The following MMP28 variants were observed in gnomAD, a reference collection of about 807,000 sequenced individuals.
The protein encoded by MMP28 is matrix metallopeptidase 28, also known as matrix metalloproteinase-28.
MMP28 carries 55 observed loss-of-function variants against 60.5 expected under a neutral mutation model. The observed-to-expected ratio is 0.91, with a 90% CI of 0.73 to 1.14. The LOEUF (loss-of-function observed/expected upper bound fraction) is 1.14. Among genes scored for constraint, MMP28 ranks in the 50% most tolerant of loss-of-function variants. MMP28 has a pLI of 0.00. For missense variants in MMP28, 686 were observed against 738.3 expected, an observed-to-expected ratio of 0.93 and a Z score of 0.82; for synonymous variants, 318 against 312.5, an observed-to-expected ratio of 1.02 and a Z score of -0.18.
At chr17:35,761,924 T>A (rs1336326711), downstream of MMP28, among the ~76,000 whole-genome samples, 6 of 152,236 alleles carry the variant, frequency 3.9e-5, no homozygotes, top group Non-Finnish European at 5.9e-5. Flanking sequence ...ACACCAATCA[T>A]GAGCAGTACC....
chr17:35,767,662 A>T, intron 7 of MMP28, 90 bp downstream of exon 7: 1 of 1,447,216 alleles, frequency 6.9e-7, no homozygotes, highest in South Asian at 1.3e-5. Flanking sequence ...CTCGTGTGAG[A>T]GTCTTCCCCT....
At chr17:35,764,199 C>T (rs2085885495), downstream of MMP28, 1 of 1,547,682 alleles carries the variant, frequency 6.5e-7, no homozygotes, top group Non-Finnish European at 8.7e-7. Context: ...CGCTCAGTGT[C>T]CTACTGCCCG....
At chr17:35,788,428 G>T (rs527508350) in intron 1 of MMP28, among the ~76,000 whole-genome samples, 140 of 152,214 alleles carry the variant, frequency 9.2e-4, no homozygotes, top group Middle Eastern at 3.4e-3. Flanking sequence ...TGCTATTAGG[G>T]TCATGCTTCC....
chr17:35,770,417 G>A (rs2086096763), intron 4 of MMP28, 105 bp from the exon 5 acceptor site: 1 of 1,364,966 alleles, frequency 7.3e-7, no homozygotes, highest in Non-Finnish European at 9.6e-7. Flanking sequence ...GTTCTCTGCT[G>A]TATAGTTTCC....
At chr17:35,764,262 G>A, downstream of MMP28, 1 of 1,539,240 alleles carries the variant, frequency 6.5e-7, no homozygotes, top group Non-Finnish European at 8.7e-7. Context: ...CGCGCGGACA[G>A]CGGCTTCTGG....
chr17:35,772,139 A>C (rs2086176210), intron 4 of MMP28, among the ~76,000 whole-genome samples: 1 of 152,066 alleles, frequency 6.6e-6, no homozygotes, highest in Admixed American at 6.5e-5. Context: ...GCCTATTTTG[A>C]ATATGTCTCC....
intron 2 of MMP28, chr17:35,757,997 T>A (rs2085759525): frequency 6.6e-6 from 1 of 152,218 alleles, no homozygotes; most frequent in African/African-American, 2.4e-5. Context: ...CAGGCAAAAC[T>A]AATATTGCAT....
chr17:35,779,342 T>C lies in MMP28; in HGVS notation c.112-19A>G, dbSNP rs1555608711. ...GGAATGCCTGCGGGAGAGAGGAATA[T>C]CTGCTTTTTCCATAGCATCCTTTCC... On this transcript the variant is annotated intron_variant, in intron 1 of 7. Transcript: ENST00000605424. 1.2e-6 allele frequency: 2 copies of C among 1,601,186 alleles called. No homozygotes were observed. The highest frequency in any genetic ancestry group is 1.7e-6 in the Non-Finnish European group (2 of 1,172,240).
chr17:35,779,973 C>T (rs1337853520), intron 1 of MMP28, among the ~76,000 whole-genome samples: 1 of 152,160 alleles, frequency 6.6e-6, no homozygotes, highest in Non-Finnish European at 1.5e-5. Flanking sequence ...CAGGTGCTAG[C>T]TCTGCCATGG....
chr17:35,789,693 G>T (rs2086752900), intron 1 of MMP28, among the ~76,000 whole-genome samples: 1 of 151,938 alleles, frequency 6.6e-6, no homozygotes, highest in South Asian at 2.1e-4. Flanking sequence ...CTGGGGCTCT[G>T]CTAGATGTCT....
intron 1 of MMP28, among the ~76,000 whole-genome samples, chr17:35,782,638 CT>C (rs2086539582): frequency 6.6e-6 from 1 of 151,984 alleles, no homozygotes; most frequent in Non-Finnish European, 1.5e-5. Context: ...CTATTGTTTC[CT>C]TTTTTCCCTT....
chr17:35,786,697 T>TAAAAAA (rs1406141593), intron 1 of MMP28, among the ~76,000 whole-genome samples: 1 of 80,096 alleles, frequency 1.2e-5, no homozygotes, highest in Admixed American at 1.3e-4. Flanking sequence ...ATCCTGTCTC[T>TAAAAAA]ACAAAAAAAA....
intron 1 of MMP28, among the ~76,000 whole-genome samples, chr17:35,784,219 T>C (rs2086584725): frequency 6.6e-6 from 1 of 150,896 alleles, no homozygotes; most frequent in South Asian, 2.1e-4. Context: ...GAGGTGGAGG[T>C]TGCAGTGAGC....
At chr17:35,772,014 C>T (rs1035572493) in intron 4 of MMP28, among the ~76,000 whole-genome samples, 4 of 151,882 alleles carry the variant, frequency 2.6e-5, no homozygotes, top group Non-Finnish European at 4.4e-5. Flanking sequence ...AGGGTCCCTC[C>T]AGCTTTGCCT....
chr17:35,770,788 G>A (rs1555605338), intron 4 of MMP28, among the ~76,000 whole-genome samples: 2 of 151,814 alleles, frequency 1.3e-5, no homozygotes, highest in African/African-American at 2.4e-5. Flanking sequence ...GGTAGCTCAC[G>A]CCTATAATCT....
intron 1 of MMP28, among the ~76,000 whole-genome samples, chr17:35,785,150 G>C (rs1175318215): frequency 6.6e-6 from 1 of 152,126 alleles, no homozygotes; most frequent in Non-Finnish European, 1.5e-5. Context: ...CAGTGCTAGG[G>C]ATTCTAGGCC....
chr17:35,759,689 A>G (rs587643176), intron 2 of MMP28, among the ~76,000 whole-genome samples: 11 of 151,358 alleles, frequency 7.3e-5, no homozygotes, highest in African/African-American at 2.7e-4. Flanking sequence ...TGACGGTGAG[A>G]CTCTGTCCGC....
At chr17:35,779,378 T>G in intron 1 of MMP28, 55 bp from the exon 2 acceptor site, 9 of 1,436,186 alleles carry the variant, frequency 6.3e-6, no homozygotes, top group Non-Finnish European at 8.7e-6. Context: ...CCTCCCTTGG[T>G]CCCCAAGGGC....
At chr17:35,794,610 C>T (rs2086911483) in intron 1 of MMP28, among the ~76,000 whole-genome samples, 1 of 152,036 alleles carries the variant, frequency 6.6e-6, no homozygotes, top group South Asian at 2.1e-4. Flanking sequence ...AAAAAAATTC[C>T]CCTTGCGCAA....
Sources: gnomAD v4.1 joint callset for allele counts (sites outside exome capture counted in the v4.1 genomes callset) on GRCh38, gnomAD v4.1.1 for gene constraint, MANE v1.5 for transcripts, NCBI Gene and HGNC (gene_info 2026-07-23, HGNC 2026-07-21) for gene names.